The following ADAMTSL1 variants were observed in gnomAD, a reference collection of about 807,000 sequenced individuals.
ADAMTSL1 encodes the protein ADAMTS like 1.
In ADAMTSL1, 126 loss-of-function variants were observed where a neutral mutation model predicts 201.8. The ratio of observed to expected loss-of-function variants is 0.62; its 90% CI spans 0.54 to 0.72. The LOEUF (loss-of-function observed/expected upper bound fraction) is 0.72. ADAMTSL1 is among the 30% of genes least tolerant of loss of function. ADAMTSL1 has a pLI of 0.00. For missense variants in ADAMTSL1, 2,679 were observed against 2,277.8 expected (o/e 1.18, Z -3.59); for synonymous variants, 1,121 against 903.4 (o/e 1.24, Z -4.32).
intron 1 of ADAMTSL1, among the ~76,000 whole-genome samples, chr9:17,995,511 G>A (rs2131512359): frequency 6.6e-6 from 1 of 152,184 alleles, no homozygotes; most frequent in African/African-American, 2.4e-5. Context: ...GAAATTAGGT[G>A]CTCCCTTTTA....
intron 2 of ADAMTSL1, among the ~76,000 whole-genome samples, chr9:18,521,907 T>A (rs6475225): frequency 6.6e-6 from 1 of 151,882 alleles, no homozygotes; most frequent in Non-Finnish European, 1.5e-5. Flanking sequence ...CCTCTTTCTC[T>A]CCCATGTGAG....
intron 2 of ADAMTSL1, among the ~76,000 whole-genome samples, chr9:18,304,344 A>C (rs2132747422): frequency 6.6e-6 from 1 of 152,284 alleles, no homozygotes; most frequent in South Asian, 2.1e-4. Context: ...AGTTTTGAAA[A>C]AAAAAATACT....
intron 2 of ADAMTSL1, among the ~76,000 whole-genome samples, chr9:18,366,452 C>T (rs1471655349): frequency 6.6e-6 from 1 of 151,810 alleles, no homozygotes; most frequent in Non-Finnish European, 1.5e-5. Flanking sequence ...TTGTAAGCAT[C>T]ATCATATACT....
chr9:18,588,902 T>TATATATATATATATATATATATATATAC (rs1177277949), intron 4 of ADAMTSL1, among the ~76,000 whole-genome samples: 2 of 116,764 alleles, frequency 1.7e-5, no homozygotes, highest in African/African-American at 3.0e-5. Context: ...TATATATATA[T>TATATATATATATATATATATATATATAC]ACATATATAT....
chr9:18,045,225 A>AG (rs1411357388), intron 1 of ADAMTSL1, among the ~76,000 whole-genome samples: 1 of 152,184 alleles, frequency 6.6e-6, no homozygotes, highest in Non-Finnish European at 1.5e-5. Context: ...GCCAGAAAGT[A>AG]GGATTATATC....
At chr9:18,037,134 A>G (rs1009462503) in intron 1 of ADAMTSL1, among the ~76,000 whole-genome samples, 1 of 152,222 alleles carries the variant, frequency 6.6e-6, no homozygotes, top group African/African-American at 2.4e-5. Context: ...TATGCATTAA[A>G]TCAGTTTGCA....
intron 19 of ADAMTSL1, among the ~76,000 whole-genome samples, chr9:18,790,774 G>C (rs1215883435): frequency 6.6e-6 from 1 of 152,090 alleles, no homozygotes; most frequent in East Asian, 1.9e-4. Flanking sequence ...TTCATTTTCT[G>C]GCTAGAAGTA....
chr9:18,125,062 G>T (rs1341663746), intron 1 of ADAMTSL1, among the ~76,000 whole-genome samples: 1 of 152,148 alleles, frequency 6.6e-6, no homozygotes, highest in Non-Finnish European at 1.5e-5. Flanking sequence ...AATGAAAGTT[G>T]TATTAGTCCA....
intron 23 of ADAMTSL1, among the ~76,000 whole-genome samples, chr9:18,856,240 A>G (rs1826838696): frequency 6.6e-6 from 1 of 152,172 alleles, no homozygotes; most frequent in African/African-American, 2.4e-5. Flanking sequence ...AAGGAAAACA[A>G]TGCTTTTGTT....
intron 1 of ADAMTSL1, among the ~76,000 whole-genome samples, chr9:18,074,086 G>T (rs148945921): frequency 3.7e-4 from 57 of 152,144 alleles, no homozygotes; most frequent in African/African-American, 1.3e-3. Flanking sequence ...GAGCATCTAA[G>T]AACTCCTTAC....
chr9:18,814,051 C>G (rs1253847583), intron 20 of ADAMTSL1, among the ~76,000 whole-genome samples: 8 of 152,156 alleles, frequency 5.3e-5, no homozygotes. Context: ...TTTTCTACAT[C>G]TATTGTCTTT....
chr9:17,974,047 C>T (rs1818332393), intron 1 of ADAMTSL1, among the ~76,000 whole-genome samples: 1 of 151,974 alleles, frequency 6.6e-6, no homozygotes, highest in Non-Finnish European at 1.5e-5. Flanking sequence ...ATTCAACAAC[C>T]CTTCATGCTA....
At chr9:18,609,842 C>G (rs538337750) in intron 4 of ADAMTSL1, among the ~76,000 whole-genome samples, 12 of 152,238 alleles carry the variant, frequency 7.9e-5, no homozygotes, top group African/African-American at 2.6e-4. Context: ...AGGCAATGAA[C>G]TGGATCTTTT....
At chr9:18,204,971 C>G (rs180977961) in intron 2 of ADAMTSL1, among the ~76,000 whole-genome samples, 1 of 152,088 alleles carries the variant, frequency 6.6e-6, no homozygotes, top group African/African-American at 2.4e-5. Flanking sequence ...TTACAACAGA[C>G]AAAATGCCAC....
intron 2 of ADAMTSL1, among the ~76,000 whole-genome samples, chr9:18,283,806 G>A (rs1167080797): frequency 6.7e-6 from 1 of 149,980 alleles, no homozygotes; most frequent in Non-Finnish European, 1.5e-5. Context: ...CAGCTACTCG[G>A]GAGGCTGAGG....
At chr9:18,313,914 AT>A (rs1834250720) in intron 2 of ADAMTSL1, among the ~76,000 whole-genome samples, 2 of 152,178 alleles carry the variant, frequency 1.3e-5, no homozygotes, top group Non-Finnish European at 2.9e-5. Context: ...GGGAGAAATA[AT>A]TTGCAAACCA....
At chr9:18,462,649 G>A (rs1820850910) in intron 2 of ADAMTSL1, among the ~76,000 whole-genome samples, 1 of 151,914 alleles carries the variant, frequency 6.6e-6, no homozygotes. Context: ...GTAGAAGAAG[G>A]AAAAAGGGGC....
chr9:18,763,868 T>A (rs1820214379), intron 16 of ADAMTSL1, among the ~76,000 whole-genome samples: 1 of 152,248 alleles, frequency 6.6e-6, no homozygotes, highest in Non-Finnish European at 1.5e-5. Flanking sequence ...GCCAGTACTA[T>A]GCTATAGCTG....
intron 15 of ADAMTSL1, among the ~76,000 whole-genome samples, chr9:18,731,041 T>TG (rs918580424): frequency 1.3e-5 from 2 of 152,238 alleles, no homozygotes; most frequent in African/African-American, 4.8e-5. Context: ...AGATGGCTGA[T>TG]GGTCATCTCA....
Sources: allele counts gnomAD v4.1 joint callset (sites outside exome capture counted in the v4.1 genomes callset), GRCh38; gene constraint gnomAD v4.1.1; transcripts MANE v1.5; gene names NCBI Gene and HGNC (gene_info 2026-07-23, HGNC 2026-07-21).